RALYL: variants seen among roughly 807,000 people sequenced by gnomAD.
RALYL encodes the protein RALY RNA binding protein like.
A neutral mutation model predicts 35.1 loss-of-function variants in RALYL; 29 were observed. That is an observed-to-expected ratio of 0.83 (90% CI 0.61 to 1.13). The LOEUF (loss-of-function observed/expected upper bound fraction) is 1.13. RALYL is among the 50% of genes most tolerant of loss of function. The pLI is 0.00. For synonymous variants in RALYL, 120 were observed against 127.6 expected (o/e 0.94, Z 0.40); for missense variants, 359 against 360.4 (o/e 1.00, Z 0.03).
chr8:84,585,122 G>A (rs1472870117), intron 2 of RALYL, among the ~76,000 whole-genome samples: 2 of 152,016 alleles, frequency 1.3e-5, no homozygotes, highest in Admixed American at 6.6e-5. Flanking sequence ...TGGTTGTTAT[G>A]GGTATTTTTT....
intron 1 of RALYL, among the ~76,000 whole-genome samples, chr8:84,452,932 T>C (rs1193424746): frequency 6.6e-6 from 1 of 151,964 alleles, no homozygotes; most frequent in Non-Finnish European, 1.5e-5. Context: ...GATTTTATAT[T>C]CTTGATATAA....
chr8:84,822,832 C>A (rs557445743), intron 4 of RALYL, among the ~76,000 whole-genome samples: 15 of 152,242 alleles, frequency 9.9e-5, no homozygotes, highest in Non-Finnish European at 1.6e-4. Flanking sequence ...GGAAGTAGAT[C>A]TTATGATGCC....
intron 2 of RALYL, among the ~76,000 whole-genome samples, chr8:84,586,555 A>G (rs1187759920): frequency 1.3e-5 from 2 of 152,328 alleles, no homozygotes; most frequent in Non-Finnish European, 2.9e-5. Context: ...TTAAGGATGT[A>G]TAATAAACCT....
intron 2 of RALYL, among the ~76,000 whole-genome samples, chr8:84,736,957 A>G (rs950104071): frequency 6.6e-6 from 1 of 152,160 alleles, no homozygotes; most frequent in African/African-American, 2.4e-5. Context: ...GAAGGATGAA[A>G]CTGTAATATT....
chr8:84,596,355 T>C (rs1042593855), intron 2 of RALYL, among the ~76,000 whole-genome samples: 10 of 152,124 alleles, frequency 6.6e-5, no homozygotes, highest in African/African-American at 2.4e-4. Flanking sequence ...TTGAAAACCA[T>C]ATCCCTCTTC....
intron 1 of RALYL, among the ~76,000 whole-genome samples, chr8:84,325,557 T>G (rs1185765540): frequency 6.6e-6 from 1 of 152,180 alleles, no homozygotes; most frequent in Non-Finnish European, 1.5e-5. Flanking sequence ...AAGGACTGCC[T>G]CTCCACTTTT....
intron 8 of RALYL, 142 bp downstream of exon 8, chr8:84,887,918 G>A: frequency 1.4e-6 from 1 of 709,520 alleles, no homozygotes; most frequent in Non-Finnish European, 2.3e-6. Flanking sequence ...TGAGTATAGT[G>A]CTTTGCACAT....
At chr8:84,559,073 G>T (rs180822260) in intron 2 of RALYL, among the ~76,000 whole-genome samples, 59 of 151,842 alleles carry the variant, frequency 3.9e-4, no homozygotes, top group African/African-American at 1.3e-3. Flanking sequence ...AGCACTTTCT[G>T]TTTGTGTGGT....
At chr8:84,277,306 G>A (rs960990395) in intron 1 of RALYL, among the ~76,000 whole-genome samples, 1 of 152,180 alleles carries the variant, frequency 6.6e-6, no homozygotes, top group Non-Finnish European at 1.5e-5. Flanking sequence ...ATCAGATCTT[G>A]TGAGACTTAT....
At chr8:84,768,586 T>C (rs1392374779) in intron 2 of RALYL, among the ~76,000 whole-genome samples, 1 of 152,148 alleles carries the variant, frequency 6.6e-6, no homozygotes, top group Non-Finnish European at 1.5e-5. Flanking sequence ...CCAGGGTAAG[T>C]TCAAAACGCT....
chr8:84,543,856 A>T (rs2060181647), intron 2 of RALYL, among the ~76,000 whole-genome samples: 1 of 152,228 alleles, frequency 6.6e-6, no homozygotes, highest in Non-Finnish European at 1.5e-5. Context: ...TAGATCCAAT[A>T]TTCTGGGTGC....
chr8:84,877,550 C>CTATAGT (rs1374628545), intron 7 of RALYL, among the ~76,000 whole-genome samples: 1 of 151,754 alleles, frequency 6.6e-6, no homozygotes, highest in Non-Finnish European at 1.5e-5. Context: ...TTAAAGGGAG[C>CTATAGT]TATAGTATTC....
intron 1 of RALYL, among the ~76,000 whole-genome samples, chr8:84,448,771 T>A (rs976975895): frequency 6.6e-6 from 1 of 152,058 alleles, no homozygotes; most frequent in African/African-American, 2.4e-5. Context: ...CGTAAAAATC[T>A]TGGGATATAT....
chr8:84,234,765 A>ATTT (rs1179372758), intron 1 of RALYL, among the ~76,000 whole-genome samples: 1 of 136,886 alleles, frequency 7.3e-6, no homozygotes, highest in Admixed American at 7.1e-5. Context: ...TTATTTATTT[A>ATTT]TTTATTTTTT....
In RALYL at chr8:84,446,303, G is replaced by A. The variant is rs1291640394; in HGVS notation, c.-23-82996G>A. Among the ~76,000 whole-genome samples, 4 of 151,980 alleles carry A rather than the reference G, an allele frequency of 2.6e-5. No individual in the cohort carries two copies. The East Asian group carries it at 5.8e-4, about 22-fold the overall frequency. Reference sequence around the variant, plus strand: ...GATCAAAGAAAGAAAAAAAATCATAGTTCTTTTTTAAAAATGAAAGCATTA... The same window carrying A: ...GATCAAAGAAAGAAAAAAAATCATAATTCTTTTTTAAAAATGAAAGCATTA... On this transcript the variant is annotated intron_variant, in intron 1 of 8. Coordinates refer to ENST00000521268, the MANE Select transcript of RALYL (RefSeq NM_173848.7).
At chr8:84,253,917 C>A (rs1435432831) in intron 1 of RALYL, among the ~76,000 whole-genome samples, 1 of 152,106 alleles carries the variant, frequency 6.6e-6, no homozygotes, top group African/African-American at 2.4e-5. Flanking sequence ...CACTTCAGCT[C>A]AATCCATATT....
chr8:84,433,850 T>C (rs1211535616), intron 1 of RALYL, among the ~76,000 whole-genome samples: 1 of 151,438 alleles, frequency 6.6e-6, no homozygotes, highest in African/African-American at 2.4e-5. Context: ...TGTGTATATA[T>C]ATATATATAT....
intron 2 of RALYL, among the ~76,000 whole-genome samples, chr8:84,732,668 T>TTATATATATATATATA (rs1554553641): frequency 3.2e-4 from 43 of 132,464 alleles, no homozygotes; most frequent in African/African-American, 5.7e-4. Context: ...TATTAAATAA[T>TTATATATATATATATA]TATATATATA....
At chr8:84,871,243 A>T (rs1013579441) in intron 6 of RALYL, among the ~76,000 whole-genome samples, 3 of 152,162 alleles carry the variant, frequency 2.0e-5, no homozygotes, top group African/African-American at 7.2e-5. Context: ...GAGACTTCTA[A>T]GTTCCAGCCA....
Sources: allele counts gnomAD v4.1 joint callset (sites outside exome capture counted in the v4.1 genomes callset), GRCh38; gene constraint gnomAD v4.1.1; transcripts MANE v1.5; gene names NCBI Gene and HGNC (gene_info 2026-07-23, HGNC 2026-07-21).